The following TOGARAM2 variants were observed in gnomAD, a reference collection of about 807,000 sequenced individuals.
The protein encoded by TOGARAM2 is TOG array regulator of axonemal microtubules 2, also known as TOG array regulator of axonemal microtubules protein 2.
In TOGARAM2, 85 loss-of-function variants were observed where a neutral mutation model predicts 93.3. The observed-to-expected ratio is 0.91, with a 90% confidence interval of 0.76 to 1.09. The LOEUF (loss-of-function observed/expected upper bound fraction) is 1.09, where lower values mean the gene tolerates loss of function less well. Ranked by LOEUF, TOGARAM2 falls within the 50% of genes least tolerant of loss-of-function variation. The pLI is 0.00. For missense variants in TOGARAM2, 1,277 were observed against 1,334.5 expected (o/e 0.96, Z 0.67); for synonymous variants, 593 against 552.8 (o/e 1.07, Z -1.02).
chr2:29,020,478 A>G (rs1474361289), intron 10 of TOGARAM2, among the ~76,000 whole-genome samples: 1 of 152,208 alleles, frequency 6.6e-6, no homozygotes, highest in East Asian at 1.9e-4. Context: ...TGTGTGAAAA[A>G]TAGAAATGAC....
rs189081363 is a variant in TOGARAM2, at chr2:29,038,735, G to A, written c.2635+1978G>A. On this transcript the variant is annotated intron_variant, in intron 18 of 19. Coordinates refer to ENST00000379558, the MANE Select transcript of TOGARAM2 (RefSeq NM_199280.4). ...GCTGGGATTACAGGTGTGAGCCACC[G>A]TGTCAGGCCAAATATGCTGTTTTGG... 7.1e-4 allele frequency among the ~76,000 whole-genome samples: 108 copies of A among 152,270 alleles called. 1 individual carries two copies. The highest frequency in any genetic ancestry group is 3.4e-3 in the Middle Eastern group (1 of 294).
At chr2:28,993,968 C>T (rs1672865228) in intron 1 of TOGARAM2, among the ~76,000 whole-genome samples, 1 of 152,204 alleles carries the variant, frequency 6.6e-6, no homozygotes, top group Non-Finnish European at 1.5e-5. Context: ...CTGGTCTTAC[C>T]ACAGATCAGC....
intron 7 of TOGARAM2, among the ~76,000 whole-genome samples, chr2:29,013,054 A>C (rs961608263): frequency 6.6e-6 from 1 of 152,180 alleles, no homozygotes; most frequent in African/African-American, 2.4e-5. Flanking sequence ...TTCCAGCCTC[A>C]GGCAGCCTCA....
In TOGARAM2 at chr2:29,033,447, GCT is replaced by G. The variant is rs1230304590; in HGVS notation, c.2131-19_2131-18del. On this transcript the variant is annotated intron_variant, in intron 15 of 19. Transcript: ENST00000379558. The stretch of plus-strand genomic sequence containing the variant: ...TGGAGGGCCACTCCTTTTGGCTCAT[GCT>G]CTGTGTGTATTTTTTCAAGGGAATA... 1 of 1,603,610 alleles carries G rather than the reference GCT, an allele frequency of 6.2e-7. No individual in the cohort carries two copies. The highest frequency in any genetic ancestry group is 1.1e-5 in the South Asian group (1 of 89,052).
In TOGARAM2 at chr2:29,045,355, G is replaced by A. The variant is rs780945475; in HGVS notation, c.2667G>A (p.Gly889=). ...TTTGCCTTCTACCAGCGCTTGCTGG[G>A]CGAGTGCGTTTCCTGAGTGGCCGTG... The part of the protein sequence containing the change: ...DNLCLLPALA[G]RVRFLSGRAV... Residue 889 remains glycine, a synonymous_variant, in exon 19 of 20, where the codon GGG becomes GGA. Coordinates refer to ENST00000379558, the MANE Select transcript of TOGARAM2 (RefSeq NM_199280.4). 1.4e-5 allele frequency: 23 copies of A among 1,613,598 alleles called. No individual in the cohort carries two copies. In the East Asian group the frequency reaches 3.8e-4, roughly 27 times the overall value.
rs1422653442 is a variant in TOGARAM2, at chr2:28,994,945, G to T, written c.28+83G>T. On this transcript the variant is annotated intron_variant, in intron 2 of 19. Transcript: ENST00000379558. ...CGGACACTCCCAAGGGCCAGAAAAA[G>T]GGAGATGTGGGGATAAAGGGCTGCT... 5 of 1,486,174 alleles carry T rather than the reference G, an allele frequency of 3.4e-6. 1 individual carries two copies. Among genetic ancestry groups the T allele is most frequent in the Non-Finnish European group, 4.6e-6 (5 of 1,089,166 alleles). 92.1% of individuals were successfully genotyped at this position (1,486,174 alleles called of 1,614,324 possible). A position where few individuals can be genotyped will look rare whatever the true frequency, so the allele number is the denominator to read the frequency against.
Position 29,035,640 on chromosome 2 carries a change from C to T in TOGARAM2, c.2402C>T (p.Thr801Ile). 1 of 1,510,298 alleles carries T rather than the reference C, an allele frequency of 6.6e-7. No individual in the cohort carries two copies. Among genetic ancestry groups the T allele is most frequent in the Non-Finnish European group, 8.9e-7 (1 of 1,125,362 alleles). 93.6% of individuals were successfully genotyped at this position (1,510,298 alleles called of 1,614,324 possible). Residue 801 changes from threonine to isoleucine, a missense_variant, in exon 17 of 20, where the codon ACT becomes ATT. Transcript: ENST00000379558. ...ELCKAKTELVTAHLVQVFDAF... is the reference protein window; with the variant it reads ...ELCKAKTELVIAHLVQVFDAF... Reference sequence around the variant, plus strand: ...TGCAAGGCCAAGACGGAGCTTGTCACTGCCCACCTGGTCCAGGTGAGCACC... The same window carrying T: ...TGCAAGGCCAAGACGGAGCTTGTCATTGCCCACCTGGTCCAGGTGAGCACC...
chr2:28,967,326 A>AG (rs972716061), intron 1 of TOGARAM2, among the ~76,000 whole-genome samples: 44 of 152,112 alleles, frequency 2.9e-4, no homozygotes, highest in African/African-American at 1.0e-3. Context: ...AATAAAAAAA[A>AG]TAGCCATGCA....
intron 1 of TOGARAM2, among the ~76,000 whole-genome samples, chr2:28,975,174 T>C (rs1033337263): frequency 1.3e-5 from 2 of 152,078 alleles, no homozygotes; most frequent in Non-Finnish European, 2.9e-5. Context: ...CTGAGACGTT[T>C]TATTTTTTTA....
intron 11 of TOGARAM2, 94 bp from the exon 12 acceptor site, chr2:29,022,992 C>T (rs1030999788): frequency 2.1e-5 from 21 of 1,006,458 alleles, no homozygotes; most frequent in East Asian, 2.7e-5. Context: ...GACGGTGGAC[C>T]GTGATGGTGT....
intron 1 of TOGARAM2, among the ~76,000 whole-genome samples, chr2:28,957,272 T>C (rs1382575383): frequency 6.6e-6 from 1 of 151,700 alleles, no homozygotes; most frequent in East Asian, 2.0e-4. Context: ...TTCGGCTCAC[T>C]GCAACTTTCT....
At chr2:28,984,483 C>T (rs1672374735) in intron 1 of TOGARAM2, among the ~76,000 whole-genome samples, 1 of 152,164 alleles carries the variant, frequency 6.6e-6, no homozygotes, top group Admixed American at 6.5e-5. Flanking sequence ...TGCCAATACA[C>T]CTTTGCTGAG....
Position 29,033,489 on chromosome 2 carries a change from A to G in TOGARAM2, c.2151A>G (p.Glu717=). ...TCAAGGGAATAGAAGATAATGATGAACTTCCCTCTGCCAAAGGCCGCAAGG... is the reference window on the plus strand; with the variant it reads ...TCAAGGGAATAGAAGATAATGATGAGCTTCCCTCTGCCAAAGGCCGCAAGG... The part of the protein sequence containing the change: ...IKQQGIEDND[E]LPSAKGRKVL... Residue 717 remains glutamate, a synonymous_variant, in exon 16 of 20, where the codon GAA becomes GAG. Transcript: ENST00000379558. 1 of 1,613,474 alleles carries G rather than the reference A, an allele frequency of 6.2e-7. No individual in the cohort carries two copies. Among genetic ancestry groups the G allele is most frequent in the Non-Finnish European group, 8.5e-7 (1 of 1,179,752 alleles).
At chr2:29,038,274 C>A (rs974033863) in intron 18 of TOGARAM2, among the ~76,000 whole-genome samples, 4 of 152,046 alleles carry the variant, frequency 2.6e-5, no homozygotes, top group African/African-American at 4.8e-5. Flanking sequence ...TCCTTGGGTA[C>A]GGCTGATAAT....
chr2:29,005,436 T>G (rs1673674404), intron 6 of TOGARAM2, among the ~76,000 whole-genome samples: 1 of 146,710 alleles, frequency 6.8e-6, no homozygotes, highest in African/African-American at 2.6e-5. Context: ...TGCATGTGCG[T>G]GAGTGCATGT....
intron 1 of TOGARAM2, among the ~76,000 whole-genome samples, chr2:28,968,495 T>C (rs1441322139): frequency 6.6e-6 from 1 of 152,052 alleles, no homozygotes; most frequent in Non-Finnish European, 1.5e-5. Context: ...AATGAGGCCA[T>C]CTTGGTCCTT....
At position 29,013,644 on chromosome 2, in the gene TOGARAM2, A is replaced by T. The variant is rs575212221; in HGVS notation, c.878-751A>T. On this transcript the variant is annotated intron_variant, in intron 7 of 19. Transcript: ENST00000379558. ...GAAGGAAGCGTCCAGCAGGGGAGAA[A>T]GCAGGCAGCCAGAAGACCCGGCAAG... Among the ~76,000 whole-genome samples, 7 of 152,328 alleles carry T rather than the reference A, an allele frequency of 4.6e-5. No individual in the cohort carries two copies. The South Asian group carries it at 1.4e-3, about 32-fold the overall frequency.
intron 1 of TOGARAM2, among the ~76,000 whole-genome samples, chr2:28,958,803 G>A (rs1427824431): frequency 6.6e-6 from 1 of 152,146 alleles, no homozygotes; most frequent in African/African-American, 2.4e-5. Context: ...GCATCCACTA[G>A]GTGCCAGTCT....
At chr2:28,998,615 T>G (rs4638746) in intron 3 of TOGARAM2, among the ~76,000 whole-genome samples, 146,415 of 152,248 alleles carry the variant, frequency 0.96, 70,696 homozygotes, top group East Asian at 1. Flanking sequence ...AGGGGCTGGG[T>G]TGTGGCCAAG....
Sources: gnomAD v4.1 joint callset for allele counts (sites outside exome capture counted in the v4.1 genomes callset) on GRCh38, gnomAD v4.1.1 for gene constraint, MANE v1.5 for transcripts, NCBI Gene and HGNC (gene_info 2026-07-23, HGNC 2026-07-21) for gene names.